Variants in GRIP1 observed in about 807,000 individuals in gnomAD.
GRIP1 encodes the protein glutamate receptor-interacting protein 1.
In GRIP1, 45 loss-of-function variants were observed where a neutral mutation model predicts 129.9. The observed-to-expected ratio is 0.35, with a 90% CI of 0.27 to 0.44. GRIP1 has a LOEUF of 0.44. GRIP1 is among the 20% of genes least tolerant of loss of function. The pLI is 1.00. For missense variants in GRIP1, 1,196 were observed against 1,396.8 expected (o/e 0.86, Z 2.29); for synonymous variants, 530 against 520.8 (o/e 1.02, Z -0.24).
intron 1 of GRIP1, among the ~76,000 whole-genome samples, chr12:66,956,517 A>G (rs902569520): frequency 6.6e-6 from 1 of 152,212 alleles, no homozygotes; most frequent in African/African-American, 2.4e-5. Context: ...ATCACTAAGT[A>G]CACACTTAAG....
At chr12:66,608,691 G>A (rs1462197891) in intron 1 of GRIP1, among the ~76,000 whole-genome samples, 1 of 152,068 alleles carries the variant, frequency 6.6e-6, no homozygotes, top group Non-Finnish European at 1.5e-5. Context: ...GAGTTTTACT[G>A]TACTGCATAG....
intron 1 of GRIP1, among the ~76,000 whole-genome samples, chr12:66,834,072 G>A (rs960325215): frequency 2.2e-4 from 34 of 151,268 alleles, no homozygotes; most frequent in African/African-American, 7.5e-4. Flanking sequence ...CAGCTACTCC[G>A]GAGTCTGAGG....
intron 3 of GRIP1, 56 bp from the exon 4 acceptor site, chr12:66,539,279 A>G: frequency 6.2e-7 from 1 of 1,610,068 alleles, no homozygotes; most frequent in Admixed American, 1.7e-5. Context: ...GGCCAGTCTG[A>G]CTATATTTCC....
chr12:66,754,065 C>T (rs2037208726), intron 1 of GRIP1, among the ~76,000 whole-genome samples: 1 of 152,158 alleles, frequency 6.6e-6, no homozygotes, highest in Non-Finnish European at 1.5e-5. Context: ...TCATCAAATC[C>T]AGCCACAATA....
At chr12:66,978,309 C>T (rs181399487) in intron 1 of GRIP1, among the ~76,000 whole-genome samples, 1 of 152,138 alleles carries the variant, frequency 6.6e-6, no homozygotes, top group East Asian at 1.9e-4. Flanking sequence ...AACTAAAAAG[C>T]ACTATTCCCT....
At chr12:66,556,875 C>T (rs1393791289) in intron 2 of GRIP1, among the ~76,000 whole-genome samples, 1 of 150,998 alleles carries the variant, frequency 6.6e-6, no homozygotes, top group African/African-American at 2.4e-5. Flanking sequence ...ACCAGAGAAA[C>T]ATTACCACTA....
intron 2 of GRIP1, among the ~76,000 whole-genome samples, chr12:66,576,373 C>T (rs1427913393): frequency 6.6e-6 from 1 of 152,218 alleles, no homozygotes; most frequent in Non-Finnish European, 1.5e-5. Flanking sequence ...CACTGCTATG[C>T]TCAAAATTGT....
chr12:66,722,437 T>C (rs1296435121), intron 1 of GRIP1, among the ~76,000 whole-genome samples: 1 of 152,194 alleles, frequency 6.6e-6, no homozygotes, highest in Non-Finnish European at 1.5e-5. Flanking sequence ...CTGTCTTCTA[T>C]GGGTGCAGGT....
intron 1 of GRIP1, among the ~76,000 whole-genome samples, chr12:66,660,686 G>T (rs1410003246): frequency 5.9e-5 from 9 of 152,084 alleles, no homozygotes; most frequent in African/African-American, 9.7e-5. Context: ...CATTTCTGCT[G>T]CATGAAGTGA....
At chr12:66,646,469 C>T (rs2032376917) in intron 1 of GRIP1, among the ~76,000 whole-genome samples, 1 of 152,136 alleles carries the variant, frequency 6.6e-6, no homozygotes, top group African/African-American at 2.4e-5. Context: ...ATGAAAAATA[C>T]AAAAATAAGC....
At chr12:66,807,314 T>C (rs34636480), upstream of GRIP1, among the ~76,000 whole-genome samples, 1 of 152,092 alleles carries the variant, frequency 6.6e-6, no homozygotes, top group African/African-American at 2.4e-5. Context: ...AATGGTTTAG[T>C]ACCATCCCCT....
intron 2 of GRIP1, among the ~76,000 whole-genome samples, chr12:66,579,672 A>G (rs1472347014): frequency 2.0e-5 from 3 of 151,932 alleles, no homozygotes; most frequent in African/African-American, 7.3e-5. Flanking sequence ...GGAAGATGAA[A>G]CACGTGAAAT....
chr12:66,581,920 C>T (rs1377946200), intron 2 of GRIP1, among the ~76,000 whole-genome samples: 4 of 152,120 alleles, frequency 2.6e-5, no homozygotes, highest in East Asian at 1.9e-4. Flanking sequence ...CCAGCATCAT[C>T]CTGATACCAA....
At chr12:66,462,902 T>A (rs2059176534) in intron 9 of GRIP1, 22 bp downstream of exon 9, 1 of 1,604,050 alleles carries the variant, frequency 6.2e-7, no homozygotes, top group South Asian at 1.1e-5. Context: ...AGAAAGAGCT[T>A]GATCCAGGTG....
At chr12:66,580,368 G>C (rs2063326951) in intron 2 of GRIP1, among the ~76,000 whole-genome samples, 2 of 149,356 alleles carry the variant, frequency 1.3e-5, no homozygotes, top group African/African-American at 4.9e-5. Context: ...AAAATCACCA[G>C]CTAACATCAT....
At chr12:66,646,416 G>A (rs892303628) in intron 1 of GRIP1, among the ~76,000 whole-genome samples, 10 of 152,166 alleles carry the variant, frequency 6.6e-5, no homozygotes, top group African/African-American at 1.9e-4. Flanking sequence ...TTGAGGTCTG[G>A]AGTTCGAGAC....
chr12:66,908,467 T>C (rs1488379563), intron 1 of GRIP1, among the ~76,000 whole-genome samples: 1 of 152,212 alleles, frequency 6.6e-6, no homozygotes, highest in Non-Finnish European at 1.5e-5. Flanking sequence ...ATCTGGCCCT[T>C]AACAGGTTAG....
intron 1 of GRIP1, among the ~76,000 whole-genome samples, chr12:66,698,038 T>C (rs2136339731): frequency 6.6e-6 from 1 of 152,306 alleles, no homozygotes; most frequent in Middle Eastern, 3.4e-3. Flanking sequence ...GTTACAGTAT[T>C]TGTGATCCTA....
chr12:66,760,423 A>G (rs760770787), intron 1 of GRIP1, among the ~76,000 whole-genome samples: 14 of 152,320 alleles, frequency 9.2e-5, no homozygotes, highest in Non-Finnish European at 2.1e-4. Flanking sequence ...TTACAGTTCC[A>G]CATGGCTGGG....
Sources: allele counts gnomAD v4.1 joint callset (sites outside exome capture counted in the v4.1 genomes callset), GRCh38; gene constraint gnomAD v4.1.1; transcripts MANE v1.5; gene names NCBI Gene and HGNC (gene_info 2026-07-23, HGNC 2026-07-21).